TBX4: variants seen among roughly 807,000 people sequenced by gnomAD.
TBX4 encodes the protein T-box transcription factor TBX4.
Under a neutral mutation model 54.6 loss-of-function variants are expected in TBX4, and 13 were observed. That is an observed-to-expected ratio of 0.24 (90% CI 0.15 to 0.38). The LOEUF is 0.38. Among genes scored for constraint, TBX4 ranks in the 10% least tolerant of loss-of-function variants. The probability of loss-of-function intolerance (pLI) is 1.00; values close to 1 mark genes in which losing one functional copy is unlikely to be tolerated. For missense variants in TBX4, 631 were observed against 728.5 expected, an observed-to-expected ratio of 0.87 and a Z score of 1.54; for synonymous variants, 314 against 306.7, an observed-to-expected ratio of 1.02 and a Z score of -0.25.
chr17:61,462,030 T>C lies in TBX4; in HGVS notation c.282-3789T>C, dbSNP rs1481088249. ...TTTGGCCGGGGAGCTCCCGCGGCTC[T>C]CGCAGCGCAGCTAGAACTTGCGTGT... On this transcript the variant is annotated intron_variant, in intron 3 of 8. Transcript: ENST00000644296. This position sits in a 1 kb window ranked among gnomAD's most constrained non-coding sequence, Gnocchi z 4.5. Among the ~76,000 whole-genome samples the C allele has an allele frequency of 2.6e-5, 4 of 152,188 alleles. No homozygotes were observed. Among genetic ancestry groups the C allele is most frequent in the Admixed American group, 6.5e-5 (1 of 15,288 alleles).
Position 61,457,844 on chromosome 17 carries a change from C to A in TBX4, c.281+213C>A, listed in dbSNP as rs1194828412. Among the ~76,000 whole-genome samples the A allele has an allele frequency of 6.6e-6, 1 of 152,190 alleles. No individual in the cohort carries two copies. Among genetic ancestry groups the A allele is most frequent in the South Asian group, 2.1e-4 (1 of 4,822 alleles). On this transcript the variant is annotated intron_variant, in intron 3 of 8. Coordinates refer to ENST00000644296, the MANE Select transcript of TBX4 (RefSeq NM_001321120.2). This position sits in a 1 kb window ranked among gnomAD's most constrained non-coding sequence, Gnocchi z 8.2. ...GCCGCGCGGGCCTTGCGGGAAAGAC[C>A]GAGGGGAGGGGCAGCGCTATGCAAA...
At chr17:61,463,749 G>C (rs1448281295) in intron 3 of TBX4, among the ~76,000 whole-genome samples, 2 of 152,234 alleles carry the variant, frequency 1.3e-5, no homozygotes, top group Non-Finnish European at 2.9e-5. Flanking sequence ...GCTGAGTGCA[G>C]GCCCCCGGTG....
In TBX4 at chr17:61,484,686, C is replaced by A. The variant is rs1466143993; in HGVS notation, c.*1170C>A. 1 of 151,608 alleles carries A rather than the reference C, an allele frequency of 6.6e-6. No individual in the cohort carries two copies. Among genetic ancestry groups the A allele is most frequent in the African/African-American group, 2.4e-5 (1 of 41,286 alleles). The allele number at this position is 151,608 out of a possible 1,614,324, so 9.4% of individuals were successfully genotyped here. A position where few individuals can be genotyped will look rare whatever the true frequency, so the allele number is the denominator to read the frequency against. ...ATCAGTGTGGCTGGGGTGAACTCTCCATCAAACTTGGGAAATCACTAAACT... is the reference window on the plus strand; with the variant it reads ...ATCAGTGTGGCTGGGGTGAACTCTCAATCAAACTTGGGAAATCACTAAACT... On this transcript the variant is annotated 3_prime_UTR_variant, in exon 9 of 9. Coordinates refer to ENST00000644296, the MANE Select transcript of TBX4 (RefSeq NM_001321120.2). The surrounding 1 kb of genome is among the most constrained non-coding windows in gnomAD (Gnocchi z 4.1).
Position 61,457,597 on chromosome 17 carries a change from G to A in TBX4, c.247G>A (p.Ala83Thr). ...EKELWKKFHE[A>T]GTEMIITKAG... ...GGAGCTCTGGAAGAAGTTCCACGAG[G>A]CGGGCACCGAGATGATCATCACTAA... is the stretch of plus-strand genomic sequence containing the variant. Residue 83 changes from alanine to threonine, a missense_variant, in exon 3 of 9, where the codon GCG (alanine) becomes ACG (threonine). Coordinates refer to ENST00000644296, the MANE Select transcript of TBX4 (RefSeq NM_001321120.2). The surrounding 1 kb of genome is among the most constrained non-coding windows in gnomAD (Gnocchi z 8.2). 1.9e-6 allele frequency: 3 copies of A among 1,614,036 alleles called. No individual in the cohort carries two copies. The South Asian group carries it at 3.3e-5, about 18-fold the overall frequency.
chr17:61,459,877 C>T lies in TBX4; in HGVS notation c.281+2246C>T, dbSNP rs1045858346. On this transcript the variant is annotated intron_variant, in intron 3 of 8. Transcript: ENST00000644296. This position sits in a 1 kb window ranked among gnomAD's most constrained non-coding sequence, Gnocchi z 4.8. ...TCACCCCTCACAGACCCCATTTCCT[C>T]CTTCATAGCTGCCCCCCTCCTTCAG... Among the ~76,000 whole-genome samples, 2 of 151,820 alleles carry T rather than the reference C, an allele frequency of 1.3e-5. No homozygotes were observed. Among genetic ancestry groups the T allele is most frequent in the African/African-American group, 4.8e-5 (2 of 41,268 alleles).
chr17:61,469,770 T>C (rs2060562872), intron 5 of TBX4, among the ~76,000 whole-genome samples: 1 of 152,142 alleles, frequency 6.6e-6, no homozygotes, highest in South Asian at 2.1e-4. Context: ...CAGCAACCCA[T>C]TTGGACATTG....
At position 61,464,856 on chromosome 17, in the gene TBX4, C is replaced by T. The variant is rs565099677; in HGVS notation, c.282-963C>T. 7.9e-5 allele frequency among the ~76,000 whole-genome samples: 12 copies of T among 152,178 alleles called. No individual in the cohort carries two copies. Among genetic ancestry groups the T allele is most frequent in the African/African-American group, 2.7e-4 (11 of 41,442 alleles). On this transcript the variant is annotated intron_variant, in intron 3 of 8. Transcript: ENST00000644296. This position sits in a 1 kb window ranked among gnomAD's most constrained non-coding sequence, Gnocchi z 5.8. The stretch of plus-strand genomic sequence containing the variant: ...CGAACCTCAGGGCCCTTGACAGCCT[C>T]AGCATGGGCTGCAGGAAATGACAAA...
rs938471042 is a variant in TBX4, at chr17:61,478,380, C to T, written c.550-247C>T. ...ATTACCACAGTGAATCAACTGGTCA[C>T]ATCAAGGAGGGCCTGGAGCTGGGCA... On this transcript the variant is annotated intron_variant, in intron 5 of 8. Transcript: ENST00000644296. The surrounding 1 kb of genome is among the most constrained non-coding windows in gnomAD (Gnocchi z 7.4). 4.2e-5 allele frequency: 24 copies of T among 568,376 alleles called. No homozygotes were observed. The East Asian group carries it at 7.1e-4, about 17-fold the overall frequency. 35.2% of individuals were successfully genotyped at this position (568,376 alleles called of 1,614,324 possible). A position where few individuals can be genotyped will look rare whatever the true frequency, so the allele number is the denominator to read the frequency against.
At position 61,456,553 on chromosome 17, in the gene TBX4, C is replaced by T. The variant is rs775860775; in HGVS notation, c.63C>T (p.Leu21=). 6.4e-7 allele frequency: 1 copy of T among 1,552,102 alleles called. No homozygotes were observed. The highest frequency in any genetic ancestry group is 2.4e-5 in the East Asian group (1 of 41,230). ...EEAFRAPGPA[L]GEASAANAPE... is the part of the protein sequence containing the mutation. ...CCTTCCGGGCCCCGGGCCCAGCGCT[C>T]GGAGAGGCCAGCGCAGCCAACGCCC... The change falls in exon 2 of 9, where the codon CTC becomes CTT. Residue 21 remains leucine, a synonymous_variant. Coordinates refer to ENST00000644296, the MANE Select transcript of TBX4 (RefSeq NM_001321120.2).
chr17:61,468,555 T>C (rs2060552741), intron 5 of TBX4, among the ~76,000 whole-genome samples: 1 of 152,200 alleles, frequency 6.6e-6, no homozygotes, highest in Non-Finnish European at 1.5e-5. Context: ...CTCTGAAGCA[T>C]AGTTCCTATG....
Position 61,465,781 on chromosome 17 carries a change from C to G in TBX4, c.282-38C>G. On this transcript the variant is annotated intron_variant, in intron 3 of 8. Coordinates refer to ENST00000644296, the MANE Select transcript of TBX4 (RefSeq NM_001321120.2). This position sits in a 1 kb window ranked among gnomAD's most constrained non-coding sequence, Gnocchi z 4.9. ...ACTCTGTTCCATCTCTCCTGGTGCT[C>G]TGTCCACACGCTCCGCCTCACCCCT... 1 of 1,612,982 alleles carries G rather than the reference C, an allele frequency of 6.2e-7. No individual in the cohort carries two copies. The highest frequency in any genetic ancestry group is 8.5e-7 in the Non-Finnish European group (1 of 1,179,360).
rs534882922 is a variant in TBX4 at position 61,479,493 on chromosome 17, C to T, written c.703-388C>T. 2.0e-5 allele frequency among the ~76,000 whole-genome samples: 3 copies of T among 152,276 alleles called. No homozygotes were observed. The highest frequency in any genetic ancestry group is 1.9e-4 in the East Asian group (1 of 5,168). On this transcript the variant is annotated intron_variant, in intron 6 of 8. Transcript: ENST00000644296. This position sits in a 1 kb window ranked among gnomAD's most constrained non-coding sequence, Gnocchi z 6.1. The stretch of plus-strand genomic sequence containing the variant: ...GTTGCACAGACTCAGGCAGCAGGCC[C>T]GGGATGCTCACTGGGAAGATGTTAC...
Position 61,483,403 on chromosome 17 carries a change from C to T in TBX4, c.1528C>T (p.His510Tyr), listed in dbSNP as rs181321459. The change falls in exon 9 of 9, where the codon CAT (histidine) becomes TAT (tyrosine). Residue 510 changes from histidine (H) to tyrosine (Y), a missense_variant. Physicochemically the swap from His to Tyr is moderately conservative, Grantham distance 83. Transcript: ENST00000644296. The surrounding 1 kb of genome is among the most constrained non-coding windows in gnomAD (Gnocchi z 6.6). ...QGCERKPPSP[H>Y]LNAANEFLYS... is the part of the protein sequence containing the mutation. ...GTGTGAGAGGAAGCCACCCTCGCCACATCTAAATGCTGCCAATGAGTTTCT... is the reference window on the plus strand; with the variant it reads ...GTGTGAGAGGAAGCCACCCTCGCCATATCTAAATGCTGCCAATGAGTTTCT... The T allele has an allele frequency of 1.2e-6, 2 of 1,613,158 alleles. No homozygotes were observed. The highest frequency in any genetic ancestry group is 2.2e-5 in the East Asian group (1 of 44,846).
At chr17:61,468,308 C>A (rs1310985023) in intron 5 of TBX4, among the ~76,000 whole-genome samples, 1 of 152,218 alleles carries the variant, frequency 6.6e-6, no homozygotes, top group African/African-American at 2.4e-5. Flanking sequence ...CATTCTTTCC[C>A]CATCTGGCCC....
Position 61,480,471 on chromosome 17 carries a change from C to T in TBX4, c.1021+152C>T. 1.3e-6 allele frequency: 1 copy of T among 757,478 alleles called. No individual in the cohort carries two copies. Among genetic ancestry groups the T allele is most frequent in the Non-Finnish European group, 2.3e-6 (1 of 443,350 alleles). 46.9% of individuals were successfully genotyped at this position (757,478 alleles called of 1,614,324 possible). A position where few individuals can be genotyped will look rare whatever the true frequency, so the allele number is the denominator to read the frequency against. ...AGTGGGCCTGAAGGGTTAGGGATCACAGCTGGGCGCAGGGCCATCTTTTCC... is the reference window on the plus strand; with the variant it reads ...AGTGGGCCTGAAGGGTTAGGGATCATAGCTGGGCGCAGGGCCATCTTTTCC... On this transcript the variant is annotated intron_variant, in intron 8 of 8. Coordinates refer to ENST00000644296, the MANE Select transcript of TBX4 (RefSeq NM_001321120.2). The surrounding 1 kb of genome is among the most constrained non-coding windows in gnomAD (Gnocchi z 6.2).
intron 5 of TBX4, among the ~76,000 whole-genome samples, chr17:61,473,774 T>C (rs2060598040): frequency 6.6e-6 from 1 of 152,246 alleles, no homozygotes; most frequent in Non-Finnish European, 1.5e-5. Flanking sequence ...GCCTACTTTA[T>C]ACGGATACTG....
intron 8 of TBX4, 134 bp from the exon 9 acceptor site, chr17:61,482,763 C>A: frequency 7.4e-7 from 1 of 1,350,474 alleles, no homozygotes; most frequent in Non-Finnish European, 1.0e-6. Context: ...ATTGAAATGG[C>A]TCTGGGAGTG....
intron 3 of TBX4, chr17:61,463,124 T>A (rs1331949562): frequency 6.6e-6 from 1 of 152,018 alleles, no homozygotes; most frequent in Non-Finnish European, 1.5e-5. Context: ...ACGGTAGTGC[T>A]TAGGGCCCCC....
At chr17:61,467,957 A>T (rs1182834612) in intron 5 of TBX4, among the ~76,000 whole-genome samples, 1 of 152,204 alleles carries the variant, frequency 6.6e-6, no homozygotes, top group Non-Finnish European at 1.5e-5. Context: ...GACTTAAATG[A>T]GAGGGTTTAC....
Sources: allele counts gnomAD v4.1 joint callset (sites outside exome capture counted in the v4.1 genomes callset), GRCh38; gene constraint gnomAD v4.1.1; non-coding constraint Gnocchi (gnomAD v3.1); transcripts MANE v1.5; gene names NCBI Gene and HGNC (gene_info 2026-07-23, HGNC 2026-07-21).